PTPRK: variants seen among roughly 807,000 people sequenced by gnomAD.
PTPRK encodes protein tyrosine phosphatase receptor type K.
PTPRK carries 75 observed loss-of-function variants against 178.0 expected under a neutral mutation model. The observed-to-expected ratio is 0.42, with a 90% confidence interval of 0.35 to 0.51. The LOEUF is 0.51. Among genes scored for constraint, PTPRK ranks in the 20% least tolerant of loss-of-function variants. PTPRK has a pLI of 0.02. For missense variants in PTPRK, 1,441 were observed against 1,797.8 expected (o/e 0.80, Z 3.59); for synonymous variants, 637 against 620.6 (o/e 1.03, Z -0.39).
At chr6:127,984,274 A>G (rs576711367) in intron 22 of PTPRK, among the ~76,000 whole-genome samples, 2 of 152,288 alleles carry the variant, frequency 1.3e-5, no homozygotes, top group East Asian at 3.9e-4. Flanking sequence ...CTCTCAAACT[A>G]AACATTATCA....
At chr6:128,447,416 G>C (rs1847170555) in intron 1 of PTPRK, among the ~76,000 whole-genome samples, 1 of 152,134 alleles carries the variant, frequency 6.6e-6, no homozygotes. Context: ...AAAACCACTA[G>C]GAGTTGGCTA....
In PTPRK at chr6:127,973,706, T is replaced by A. The variant is rs751016158; in HGVS notation, c.4091A>T (p.Glu1364Val). The A allele has an allele frequency of 6.2e-7, 1 of 1,613,310 alleles. No homozygotes were observed. The highest frequency in any genetic ancestry group is 8.5e-7 in the Non-Finnish European group (1 of 1,179,896). ...KLILQVEKWQ[E>V]ECEEGEGRTI... ...CCGGCCTTCCCCTTCCTCGCATTCC[T>A]CCTGCCACTTTTCCACCTGAAGTAT... The change falls in exon 28 of 30, where the codon GAG (glutamate) becomes GTG (valine). Residue 1364 changes from glutamate to valine, a missense_variant. Around this residue, in one of 4 missense-constraint regions of PTPRK, gnomAD observed 335 missense variants for 512.4 expected, o/e 0.65. Coordinates refer to ENST00000368226, the MANE Select transcript of PTPRK (RefSeq NM_002844.4).
At chr6:128,465,377 T>C (rs1388696379) in intron 1 of PTPRK, among the ~76,000 whole-genome samples, 3 of 152,190 alleles carry the variant, frequency 2.0e-5, no homozygotes, top group Admixed American at 2.0e-4. Context: ...TATAAGGCTA[T>C]AAATAGCTCA....
At chr6:128,291,621 C>A (rs1017165860) in intron 3 of PTPRK, among the ~76,000 whole-genome samples, 1 of 152,110 alleles carries the variant, frequency 6.6e-6, no homozygotes, top group African/African-American at 2.4e-5. Context: ...TCTTACAGCA[C>A]AGTGATATTT....
At chr6:127,973,390 T>C (rs1196070490) in intron 28 of PTPRK, among the ~76,000 whole-genome samples, 4 of 152,162 alleles carry the variant, frequency 2.6e-5, no homozygotes, top group Non-Finnish European at 5.9e-5. Flanking sequence ...AATCTAGACT[T>C]TGAGATTCTG....
At chr6:128,489,724 T>C (rs1222713883) in intron 1 of PTPRK, among the ~76,000 whole-genome samples, 3 of 152,242 alleles carry the variant, frequency 2.0e-5, no homozygotes, top group Non-Finnish European at 4.4e-5. Flanking sequence ...AAAGAGTCCA[T>C]GTATTCATTA....
intron 6 of PTPRK, among the ~76,000 whole-genome samples, chr6:128,199,976 T>C (rs1805619604): frequency 1.3e-5 from 2 of 152,216 alleles, no homozygotes; most frequent in Admixed American, 1.3e-4. Context: ...AGTGGAGTTC[T>C]ACAGCCATCT....
intron 5 of PTPRK, among the ~76,000 whole-genome samples, chr6:128,221,280 T>C (rs1196075206): frequency 2.0e-5 from 3 of 151,136 alleles, no homozygotes. Context: ...ATCCCAGCAC[T>C]TTGTGAGGCC....
chr6:128,366,166 CT>C (rs781687385), intron 2 of PTPRK, among the ~76,000 whole-genome samples: 38 of 152,198 alleles, frequency 2.5e-4, no homozygotes, highest in Middle Eastern at 3.4e-3. Flanking sequence ...GCCTTAGACA[CT>C]TTTGGGAGTA....
rs775361374 is a variant in PTPRK at position 127,976,978 on chromosome 6, A to G, written c.3788T>C (p.Val1263Ala). The G allele has an allele frequency of 3.1e-6, 5 of 1,614,128 alleles. No individual in the cohort carries two copies. Among genetic ancestry groups the G allele is most frequent in the Non-Finnish European group, 3.4e-6 (4 of 1,179,990 alleles). Residue 1263 changes from valine to alanine, a missense_variant, in exon 26 of 30, where the codon GTG (valine) becomes GCG (alanine). Val to Ala is a moderately conservative substitution (Grantham distance 64). Around this residue, in one of 4 missense-constraint regions of PTPRK, gnomAD observed 335 missense variants for 512.4 expected, o/e 0.65. Transcript: ENST00000368226. The stretch of plus-strand genomic sequence containing the variant: ...AATGGAGGTACAGCCATAATCATAC[A>G]CTAATCTCCAGAAGTCTTTTACAGT... ...PNTVKDFWRL[V>A]YDYGCTSIVM...
intron 6 of PTPRK, among the ~76,000 whole-genome samples, chr6:128,210,866 A>G (rs1259979064): frequency 6.6e-6 from 1 of 152,130 alleles, no homozygotes; most frequent in African/African-American, 2.4e-5. Flanking sequence ...ACGAAGGTAC[A>G]AGTAATTACC....
chr6:128,219,308 G>A (rs1475826775), intron 5 of PTPRK, among the ~76,000 whole-genome samples: 1 of 152,156 alleles, frequency 6.6e-6, no homozygotes, highest in African/African-American at 2.4e-5. Flanking sequence ...CCAGTTTCCT[G>A]GAAGACAATT....
intron 7 of PTPRK, among the ~76,000 whole-genome samples, chr6:128,090,880 GA>G (rs1285663193): frequency 2.6e-5 from 4 of 152,054 alleles, no homozygotes; most frequent in Admixed American, 2.6e-4. Context: ...TTGATAAAAA[GA>G]AAAAAGTCAA....
intron 3 of PTPRK, among the ~76,000 whole-genome samples, chr6:128,251,656 A>ATT (rs1816474325): frequency 6.6e-6 from 1 of 152,210 alleles, no homozygotes; most frequent in Non-Finnish European, 1.5e-5. Flanking sequence ...AGGTTTAAAT[A>ATT]TTCTTTCACT....
chr6:128,498,232 A>G (rs1855021698), intron 1 of PTPRK, among the ~76,000 whole-genome samples: 1 of 152,186 alleles, frequency 6.6e-6, no homozygotes, highest in Non-Finnish European at 1.5e-5. Flanking sequence ...GTTTCAAAAC[A>G]GAACCCTTCT....
chr6:128,366,546 T>G (rs190287799), intron 2 of PTPRK, among the ~76,000 whole-genome samples: 1 of 152,268 alleles, frequency 6.6e-6, no homozygotes, highest in Non-Finnish European at 1.5e-5. Flanking sequence ...TGCAAAAGAC[T>G]ACTACAAAGT....
At chr6:128,158,342 T>C (rs1798229068) in intron 7 of PTPRK, among the ~76,000 whole-genome samples, 1 of 151,902 alleles carries the variant, frequency 6.6e-6, no homozygotes, top group South Asian at 2.1e-4. Context: ...AACACCAACA[T>C]GGCACATGTA....
In PTPRK at chr6:128,504,466, A is replaced by C. The variant is rs943269984; in HGVS notation, c.100+15793T>G. 2.6e-5 allele frequency among the ~76,000 whole-genome samples: 4 copies of C among 152,370 alleles called. No homozygotes were observed. The East Asian group carries it at 7.7e-4, about 29-fold the overall frequency. ...AGGAAAGATCTCAAGTGGATACTTC[A>C]GTGAACAGTAAGTAACTAAGAACTT... On this transcript the variant is annotated intron_variant, in intron 1 of 29. Transcript: ENST00000368226.
chr6:128,042,889 T>A (rs1777433827), intron 13 of PTPRK, among the ~76,000 whole-genome samples: 1 of 152,148 alleles, frequency 6.6e-6, no homozygotes, highest in Middle Eastern at 3.4e-3. Flanking sequence ...GGGGAGATAA[T>A]GTCATTATCA....
Sources: allele counts gnomAD v4.1 joint callset (sites outside exome capture counted in the v4.1 genomes callset), GRCh38; gene constraint gnomAD v4.1.1; regional missense constraint gnomAD v4.1.1; transcripts MANE v1.5; gene names NCBI Gene and HGNC (gene_info 2026-07-23, HGNC 2026-07-21).